The following CEP164 variants were observed in gnomAD, a reference collection of about 807,000 sequenced individuals.
The protein encoded by CEP164 is centrosomal protein 164.
Under a neutral mutation model 182.7 loss-of-function variants are expected in CEP164, and 162 were observed. The observed-to-expected ratio is 0.89, with a 90% CI of 0.78 to 1.01. CEP164 has a LOEUF of 1.01. CEP164 is among the 50% of genes least tolerant of loss of function. CEP164 has a pLI of 0.00. For missense variants in CEP164, 1,735 were observed against 1,790.4 expected (o/e 0.97, Z 0.56); for synonymous variants, 661 against 690.0 (o/e 0.96, Z 0.66).
chr11:117,409,943 G>T lies in CEP164; in HGVS notation c.4074G>T (p.Glu1358Asp). ...AAACGGTGGACGACTTCCTGTTGGA[G>T]AAGTGGCGCAAGTATTTTCCATGTA... ...VAQTVDDFLL[E>D]KWRKYFPSGI... Residue 1358 changes from glutamate (E) to aspartate (D), a missense_variant, in exon 30 of 33, where the codon GAG (glutamate) becomes GAT (aspartate). Physicochemically the swap from Glu to Asp is conservative, Grantham distance 45. Transcript: ENST00000278935. This position sits in a 1 kb window ranked among gnomAD's most constrained non-coding sequence, Gnocchi z 4.4. The T allele has an allele frequency of 3.1e-6, 5 of 1,614,212 alleles. No homozygotes were observed. The highest frequency in any genetic ancestry group is 4.2e-6 in the Non-Finnish European group (5 of 1,180,038).
Position 117,334,894 on chromosome 11 carries a change from C to T in CEP164, c.-97-711C>T, listed in dbSNP as rs1036232943. On this transcript the variant is annotated intron_variant, in intron 1 of 32. Coordinates refer to ENST00000278935, the MANE Select transcript of CEP164 (RefSeq NM_014956.5). The stretch of plus-strand genomic sequence containing the variant: ...TCCTGTGCTTGCTGGAGATGGGATG[C>T]ATCTAGGGGATGACATTTCTCAAAT... Among the ~76,000 whole-genome samples the T allele has an allele frequency of 9.2e-5, 14 of 151,992 alleles. No individual in the cohort carries two copies. In the South Asian group the frequency reaches 2.9e-3, roughly 31 times the overall value.
chr11:117,411,636 C>T lies in CEP164; in HGVS notation c.4164-159C>T. ...CCGTTTGGGAACTGTTCTGGAGGGGCAGATGTTTTGAAGCTTTGAATTGCT... is the reference window on the plus strand; with the variant it reads ...CCGTTTGGGAACTGTTCTGGAGGGGTAGATGTTTTGAAGCTTTGAATTGCT... On this transcript the variant is annotated intron_variant, in intron 31 of 32. Coordinates refer to ENST00000278935, the MANE Select transcript of CEP164 (RefSeq NM_014956.5). The surrounding 1 kb of genome is among the most constrained non-coding windows in gnomAD (Gnocchi z 4.4). 3 of 961,230 alleles carry T rather than the reference C, an allele frequency of 3.1e-6. No homozygotes were observed. Among genetic ancestry groups the T allele is most frequent in the South Asian group, 3.3e-5 (2 of 60,564 alleles). 59.5% of individuals were successfully genotyped at this position (961,230 alleles called of 1,614,324 possible).
rs2047120866 is a variant in CEP164, at chr11:117,409,787, T to G, written c.3918T>G (p.Pro1306=). ...CAGCCCAGCTCCCTCCCCGGGACCC[T>G]AAGAGCACCCCCACCCCCACCTACT... ...SMPAQLPPRD[P]KSTPTPTYYG... is the part of the protein sequence containing the mutation. Residue 1306 remains proline (P), a synonymous_variant, in exon 30 of 33, where the codon CCT becomes CCG. Coordinates refer to ENST00000278935, the MANE Select transcript of CEP164 (RefSeq NM_014956.5). This position sits in a 1 kb window ranked among gnomAD's most constrained non-coding sequence, Gnocchi z 4.4. 1.9e-6 allele frequency: 3 copies of G among 1,612,910 alleles called. No individual in the cohort carries two copies. The highest frequency in any genetic ancestry group is 2.5e-6 in the Non-Finnish European group (3 of 1,179,562).
At chr11:117,391,543 A>G (rs1274774610) in intron 17 of CEP164, among the ~76,000 whole-genome samples, 1 of 151,742 alleles carries the variant, frequency 6.6e-6, no homozygotes, top group African/African-American at 2.4e-5. Flanking sequence ...CGTCCTGTGG[A>G]TTTGAGAAAG....
upstream of CEP164, among the ~76,000 whole-genome samples, chr11:117,324,917 A>G (rs1028852602): frequency 6.6e-6 from 1 of 152,136 alleles, no homozygotes; most frequent in African/African-American, 2.4e-5. Context: ...AAACAAACAA[A>G]AAACCAGATT....
In CEP164 at chr11:117,381,729, C is replaced by T. The variant is rs112209873; in HGVS notation, c.1438C>T (p.Arg480Trp). ...RLSPPLPHEERAQSPPRSLAT... is the reference protein window; with the variant it reads ...RLSPPLPHEEWAQSPPRSLAT... Reference sequence around the variant, plus strand: ...ATCTCCTCCACTTCCACACGAGGAGCGGGCCCAGAGTCCCCCTCGCAGCCT... The same window carrying T: ...ATCTCCTCCACTTCCACACGAGGAGTGGGCCCAGAGTCCCCCTCGCAGCCT... The change falls in exon 13 of 33, where the codon CGG becomes TGG. Residue 480 changes from arginine to tryptophan, a missense_variant. Coordinates refer to ENST00000278935, the MANE Select transcript of CEP164 (RefSeq NM_014956.5). The T allele has an allele frequency of 2.0e-4, 316 of 1,609,866 alleles. 2 individuals carry two copies. The African/African-American group carries it at 2.7e-3, about 14-fold the overall frequency.
chr11:117,328,057 G>C (rs1313138026), intron 1 of CEP164, 153 bp downstream of exon 1: 1 of 152,342 alleles, frequency 6.6e-6, no homozygotes, highest in African/African-American at 2.4e-5. Flanking sequence ...GGGGACCCGA[G>C]GCACGCTCTC....
At chr11:117,326,678 T>G (rs1185303690), upstream of CEP164, among the ~76,000 whole-genome samples, 2 of 152,230 alleles carry the variant, frequency 1.3e-5, no homozygotes, top group Non-Finnish European at 2.9e-5. Context: ...TTGATTTTGA[T>G]AATTTTCACA....
chr11:117,399,115 C>T (rs552575373), intron 27 of CEP164, among the ~76,000 whole-genome samples: 12 of 152,230 alleles, frequency 7.9e-5, no homozygotes, highest in African/African-American at 2.6e-4. Context: ...AGGTATTTCT[C>T]CTAATGCTAT....
Position 117,362,470 on chromosome 11 carries a change from A to ACTG in CEP164, c.622_624dup (p.Ala208dup), listed in dbSNP as rs774579375. 6.2e-7 allele frequency: 1 copy of ACTG among 1,613,798 alleles called. No homozygotes were observed. The highest frequency in any genetic ancestry group is 1.1e-5 in the South Asian group (1 of 91,058). ...CTTGGGCTCCATATATGAGGACAAG[A>ACTG]CTGCTCTCAGCCTCTTGGGTTTAGG... On this transcript the variant is annotated inframe_insertion, in exon 7 of 33. Transcript: ENST00000278935.
In CEP164 at chr11:117,339,516, T is replaced by G. The variant is rs3016580; in HGVS notation, c.82+848T>G. 6.9e-5 allele frequency among the ~76,000 whole-genome samples: 7 copies of G among 101,276 alleles called. No individual in the cohort carries two copies. In the South Asian group the frequency reaches 2.6e-3, roughly 37 times the overall value. The allele number at this position is 101,276 out of a possible 152,430, so 66.4% of individuals were successfully genotyped here. A position where few individuals can be genotyped will look rare whatever the true frequency, so the allele number is the denominator to read the frequency against. On this transcript the variant is annotated intron_variant, in intron 3 of 32. Coordinates refer to ENST00000278935, the MANE Select transcript of CEP164 (RefSeq NM_014956.5). ...TATTACCTTATTACCTTTTCCTTTGTTTTTTGTTTTTTTTTTTTTTTTTTT... is the reference window on the plus strand; with the variant it reads ...TATTACCTTATTACCTTTTCCTTTGGTTTTTGTTTTTTTTTTTTTTTTTTT...
intron 1 of CEP164, among the ~76,000 whole-genome samples, chr11:117,331,904 T>A (rs1225114421): frequency 6.6e-6 from 1 of 151,640 alleles, no homozygotes; most frequent in Non-Finnish European, 1.5e-5. Flanking sequence ...TCTGTCTTCC[T>A]TTCCATCTGA....
chr11:117,375,264 A>T (rs1256103357), intron 10 of CEP164, among the ~76,000 whole-genome samples: 2 of 152,134 alleles, frequency 1.3e-5, no homozygotes, highest in South Asian at 4.2e-4. Context: ...TGGGCTTTGG[A>T]GTCAGTGCGG....
intron 3 of CEP164, among the ~76,000 whole-genome samples, chr11:117,340,571 G>A (rs531687954): frequency 1.3e-5 from 2 of 152,272 alleles, no homozygotes; most frequent in African/African-American, 2.4e-5. Flanking sequence ...GTCTTACTCT[G>A]TCACCCAGGC....
intron 26 of CEP164, 27 bp downstream of exon 26, chr11:117,396,638 G>C: frequency 1.9e-6 from 3 of 1,579,664 alleles, no homozygotes; most frequent in Non-Finnish European, 2.6e-6. Context: ...TGTCTTATTT[G>C]AGGTTAGGGT....
chr11:117,407,518 T>C (rs894576066), intron 27 of CEP164, among the ~76,000 whole-genome samples: 1 of 141,380 alleles, frequency 7.1e-6, no homozygotes, highest in African/African-American at 2.7e-5. Context: ...CCAGGTGTGG[T>C]GGCACACATC....
In CEP164 at chr11:117,381,859, C is replaced by A. The variant is rs997835172; in HGVS notation, c.1568C>A (p.Ser523Tyr). 4.0e-6 allele frequency: 6 copies of A among 1,511,564 alleles called. No homozygotes were observed. In the Admixed American group the frequency reaches 8.8e-5, roughly 22 times the overall value. 93.6% of individuals were successfully genotyped at this position (1,511,564 alleles called of 1,614,324 possible). A position where few individuals can be genotyped will look rare whatever the true frequency, so the allele number is the denominator to read the frequency against. ...DSAASLSLQL[S>Y]LQREQAPSPP... ...GCAGCCAGCCTCAGCCTGCAGCTGT[C>A]CCTCCAGAGGTAAGGATGAGGGGAA... Residue 523 changes from serine to tyrosine, a missense_variant, in exon 13 of 33, where the codon TCC becomes TAC. Coordinates refer to ENST00000278935, the MANE Select transcript of CEP164 (RefSeq NM_014956.5).
intron 28 of CEP164, 121 bp downstream of exon 28, chr11:117,408,153 C>A: frequency 1.5e-6 from 1 of 647,158 alleles, no homozygotes; most frequent in Non-Finnish European, 2.6e-6. Flanking sequence ...CAGGATTGGG[C>A]AGTAGGCTTG....
chr11:117,381,070 G>A (rs1040840862), intron 12 of CEP164, among the ~76,000 whole-genome samples: 1 of 152,164 alleles, frequency 6.6e-6, no homozygotes, highest in African/African-American at 2.4e-5. Context: ...GAAACCTTGT[G>A]GAGGTCTGGA....
Sources: gnomAD v4.1 joint callset for allele counts (sites outside exome capture counted in the v4.1 genomes callset) on GRCh38, gnomAD v4.1.1 for gene constraint, Gnocchi (gnomAD v3.1) non-coding constraint, MANE v1.5 for transcripts, NCBI Gene and HGNC (gene_info 2026-07-23, HGNC 2026-07-21) for gene names.